Variants in TAF3 observed in about 807,000 individuals in gnomAD.
TAF3 encodes the protein TATA-box binding protein associated factor 3.
TAF3 carries 7 observed loss-of-function variants against 80.6 expected under a neutral mutation model. That is an observed-to-expected ratio of 0.09 (90% CI 0.05 to 0.16). The LOEUF (loss-of-function observed/expected upper bound fraction) is 0.16. Among genes scored for constraint, TAF3 ranks in the 10% least tolerant of loss-of-function variants. The pLI is 1.00. For missense variants in TAF3, 921 were observed against 1,140.2 expected (o/e 0.81, Z 2.77); for synonymous variants, 444 against 446.1 (o/e 1.00, Z 0.06).
intron 2 of TAF3, among the ~76,000 whole-genome samples, chr10:7,843,248 C>G (rs539946437): frequency 2.6e-5 from 4 of 152,228 alleles, no homozygotes; most frequent in African/African-American, 9.6e-5. Flanking sequence ...GCTGGGACTA[C>G]CAGCTTGCAC....
intron 4 of TAF3, among the ~76,000 whole-genome samples, chr10:7,991,676 G>T (rs1831835646): frequency 6.6e-6 from 1 of 152,134 alleles, no homozygotes; most frequent in African/African-American, 2.4e-5. Flanking sequence ...GTATGTGTGT[G>T]TCTATATCAC....
At chr10:7,950,332 T>C (rs576140018) in intron 2 of TAF3, among the ~76,000 whole-genome samples, 4 of 152,158 alleles carry the variant, frequency 2.6e-5, no homozygotes, top group Admixed American at 6.5e-5. Flanking sequence ...TATGTGGGCA[T>C]GAAGACCCTG....
intron 2 of TAF3, among the ~76,000 whole-genome samples, chr10:7,963,335 G>C (rs1322697773): frequency 6.6e-6 from 1 of 152,108 alleles, no homozygotes; most frequent in Non-Finnish European, 1.5e-5. Context: ...TACTGGTTAG[G>C]AAAATAATTA....
intron 2 of TAF3, among the ~76,000 whole-genome samples, chr10:7,914,501 A>T (rs1398113278): frequency 6.6e-6 from 1 of 152,214 alleles, no homozygotes; most frequent in African/African-American, 2.4e-5. Context: ...AGCCATCCCT[A>T]GTTGCCCACT....
At chr10:7,965,921 C>T (rs994687402) in intron 3 of TAF3, among the ~76,000 whole-genome samples, 179 bp downstream of exon 3, 3 of 152,140 alleles carry the variant, frequency 2.0e-5, no homozygotes, top group Non-Finnish European at 2.9e-5. Context: ...AACCTGTAAT[C>T]AAGCCCTCAA....
chr10:7,859,248 G>A (rs1342817550), intron 2 of TAF3, among the ~76,000 whole-genome samples: 1 of 149,874 alleles, frequency 6.7e-6, no homozygotes, highest in East Asian at 2.0e-4. Context: ...GCGACAGAGT[G>A]AGACTCCATC....
chr10:7,827,267 A>T (rs1338979625), intron 2 of TAF3, among the ~76,000 whole-genome samples: 1 of 152,236 alleles, frequency 6.6e-6, no homozygotes, highest in Non-Finnish European at 1.5e-5. Context: ...CTTTATATTC[A>T]TCTGTAAAAT....
At position 7,863,648 on chromosome 10, in the gene TAF3, C is replaced by T. The variant is rs200667450; in HGVS notation, c.409+39088C>T. On this transcript the variant is annotated intron_variant, in intron 2 of 6. Coordinates refer to ENST00000344293, the MANE Select transcript of TAF3 (RefSeq NM_031923.4). Reference sequence around the variant, plus strand: ...AAAAATATATATATATATATATATACACACACACATATATATATACACACA... The same window carrying T: ...AAAAATATATATATATATATATATATACACACACATATATATATACACACA... Among the ~76,000 whole-genome samples, 294 of 56,036 alleles carry T rather than the reference C, an allele frequency of 5.2e-3. 41 individuals carry two copies. The highest frequency in any genetic ancestry group is 0.015 in the African/African-American group (231 of 15,452). The allele number at this position is 56,036 out of a possible 152,430, so 36.8% of individuals were successfully genotyped here. A position where few individuals can be genotyped will look rare whatever the true frequency, so the allele number is the denominator to read the frequency against.
rs546466147 is a variant in TAF3 at position 7,827,802 on chromosome 10, A to G, written c.409+3242A>G. 6.2e-4 allele frequency among the ~76,000 whole-genome samples: 93 copies of G among 151,016 alleles called. 1 individual carries two copies. The highest frequency in any genetic ancestry group is 2.4e-4 in the Non-Finnish European group (16 of 67,762). ...CTCAAAAAAAAAAAAAAAAACAAAA[A>G]CAAAAACTTAGCTGGGCATGGTGGT... is the stretch of plus-strand genomic sequence containing the variant. On this transcript the variant is annotated intron_variant, in intron 2 of 6. Coordinates refer to ENST00000344293, the MANE Select transcript of TAF3 (RefSeq NM_031923.4).
At chr10:7,972,656 A>G (rs1407057294) in intron 3 of TAF3, among the ~76,000 whole-genome samples, 1 of 152,184 alleles carries the variant, frequency 6.6e-6, no homozygotes, top group South Asian at 2.1e-4. Flanking sequence ...AATCTCACTT[A>G]TGTGTTTCCA....
chr10:7,935,380 G>A (rs185572827), intron 2 of TAF3, among the ~76,000 whole-genome samples: 4 of 152,106 alleles, frequency 2.6e-5, no homozygotes, highest in African/African-American at 9.6e-5. Context: ...GGCAGATCAC[G>A]AGGTCAGGAG....
At chr10:7,921,176 A>G (rs780214242) in intron 2 of TAF3, among the ~76,000 whole-genome samples, 9 of 152,020 alleles carry the variant, frequency 5.9e-5, no homozygotes, top group East Asian at 1.9e-4. Context: ...AATAATGTCT[A>G]CTATCTGAAA....
At chr10:7,868,520 G>A (rs926834293) in intron 2 of TAF3, among the ~76,000 whole-genome samples, 1 of 152,244 alleles carries the variant, frequency 6.6e-6, no homozygotes, top group Non-Finnish European at 1.5e-5. Context: ...AGGAGTGGAG[G>A]CAGTGTGACA....
intron 4 of TAF3, among the ~76,000 whole-genome samples, chr10:7,986,540 A>G (rs1831779559): frequency 6.6e-6 from 1 of 152,228 alleles, no homozygotes; most frequent in Admixed American, 6.5e-5. Flanking sequence ...CTGAAAACAA[A>G]GATAAATGTC....
chr10:8,013,073 A>G (rs1832069722), intron 5 of TAF3, among the ~76,000 whole-genome samples: 1 of 152,240 alleles, frequency 6.6e-6, no homozygotes, highest in Admixed American at 6.5e-5. Flanking sequence ...CAATATTTGT[A>G]GCAAAATAAT....
intron 2 of TAF3, among the ~76,000 whole-genome samples, chr10:7,943,148 G>A (rs886543738): frequency 2.6e-5 from 4 of 152,168 alleles, no homozygotes; most frequent in Non-Finnish European, 5.9e-5. Context: ...CTGTAGCTCC[G>A]TGAGACTCTG....
intron 2 of TAF3, among the ~76,000 whole-genome samples, chr10:7,924,466 C>T (rs756748384): frequency 3.2e-4 from 49 of 152,028 alleles, no homozygotes; most frequent in Admixed American, 9.2e-4. Flanking sequence ...TTGTTAAGTC[C>T]GGGGATCTGC....
intron 6 of TAF3, among the ~76,000 whole-genome samples, chr10:8,014,417 A>G (rs1832084217): frequency 6.6e-6 from 1 of 152,208 alleles, no homozygotes; most frequent in African/African-American, 2.4e-5. Context: ...GGCTGAGAGG[A>G]TGAATGAACG....
intron 2 of TAF3, among the ~76,000 whole-genome samples, chr10:7,845,959 G>GTTTTTTTT (rs34163537): frequency 9.9e-5 from 13 of 130,930 alleles, no homozygotes; most frequent in East Asian, 2.2e-4. Context: ...GTGTGTTTTT[G>GTTTTTTTT]TTTTTTTTTT....
Sources: gnomAD v4.1 joint callset for allele counts (sites outside exome capture counted in the v4.1 genomes callset) on GRCh38, gnomAD v4.1.1 for gene constraint, MANE v1.5 for transcripts, NCBI Gene and HGNC (gene_info 2026-07-23, HGNC 2026-07-21) for gene names.